AHCYL2: variants seen among roughly 807,000 people sequenced by gnomAD.
AHCYL2 encodes the protein S-adenosylhomocysteine hydrolase-like protein 2.
A neutral mutation model predicts 81.4 loss-of-function variants in AHCYL2; 28 were observed. The observed-to-expected ratio is 0.34, with a 90% CI of 0.25 to 0.47. The LOEUF (loss-of-function observed/expected upper bound fraction) is 0.47. Among genes scored for constraint, AHCYL2 ranks in the 20% least tolerant of loss-of-function variants. The probability of loss-of-function intolerance (pLI) is 1.00; values close to 1 mark genes in which losing one functional copy is unlikely to be tolerated. For synonymous variants in AHCYL2, 272 were observed against 290.2 expected, an observed-to-expected ratio of 0.94 and a Z score of 0.64; for missense variants, 551 against 785.1, an observed-to-expected ratio of 0.70 and a Z score of 3.56.
chr7:129,233,808 T>C (rs900436047), intron 1 of AHCYL2, among the ~76,000 whole-genome samples: 4 of 152,210 alleles, frequency 2.6e-5, no homozygotes, highest in African/African-American at 9.6e-5. Context: ...TCTCATATTT[T>C]CTTCTTTTTT....
At chr7:129,409,447 G>A in intron 10 of AHCYL2, 29 bp from the exon 11 acceptor site, 1 of 1,603,770 alleles carries the variant, frequency 6.2e-7, no homozygotes, top group Non-Finnish European at 8.5e-7. Flanking sequence ...TGCCTGTTTA[G>A]GTTAATGGGT....
chr7:129,301,550 T>C (rs1339703810), intron 1 of AHCYL2, among the ~76,000 whole-genome samples: 2 of 152,152 alleles, frequency 1.3e-5, no homozygotes, highest in African/African-American at 4.8e-5. Context: ...ATGTGAGAGA[T>C]AGAGGTCTAG....
At chr7:129,315,313 C>T (rs988621468) in intron 1 of AHCYL2, among the ~76,000 whole-genome samples, 2 of 152,166 alleles carry the variant, frequency 1.3e-5, no homozygotes, top group Non-Finnish European at 2.9e-5. Flanking sequence ...GAATTCAAAG[C>T]ACTTCAGGGT....
At chr7:129,301,851 T>C (rs1797267736) in intron 1 of AHCYL2, among the ~76,000 whole-genome samples, 1 of 151,588 alleles carries the variant, frequency 6.6e-6, no homozygotes, top group East Asian at 1.9e-4. Context: ...CTGTCACTTT[T>C]GTAGTTCTAT....
At chr7:129,349,192 ATTC>A (rs1793464225) in intron 1 of AHCYL2, among the ~76,000 whole-genome samples, 1 of 152,142 alleles carries the variant, frequency 6.6e-6, no homozygotes, top group Non-Finnish European at 1.5e-5. Flanking sequence ...AAATGTTTTG[ATTC>A]TATCTAGGTT....
At chr7:129,362,239 G>A (rs1182621022) in intron 1 of AHCYL2, among the ~76,000 whole-genome samples, 1 of 152,148 alleles carries the variant, frequency 6.6e-6, no homozygotes, top group Non-Finnish European at 1.5e-5. Flanking sequence ...GATGAAACTG[G>A]CCTTCAAACC....
chr7:129,342,666 T>C (rs1793225132), intron 1 of AHCYL2, among the ~76,000 whole-genome samples: 1 of 152,178 alleles, frequency 6.6e-6, no homozygotes, highest in African/African-American at 2.4e-5. Flanking sequence ...TGTATAAGCA[T>C]ATAAAATTAC....
At chr7:129,379,873 T>A in intron 2 of AHCYL2, 124 bp downstream of exon 2, 1 of 684,970 alleles carries the variant, frequency 1.5e-6, no homozygotes, top group Non-Finnish European at 2.3e-6. Flanking sequence ...ATACTTCGAG[T>A]CAAAATTTAG....
intron 1 of AHCYL2, among the ~76,000 whole-genome samples, chr7:129,236,700 A>G (rs1340109595): frequency 6.6e-6 from 1 of 152,222 alleles, no homozygotes; most frequent in East Asian, 1.9e-4. Flanking sequence ...TCAGCTAACG[A>G]TACACGAAAC....
chr7:129,268,887 T>C (rs1795905477), intron 1 of AHCYL2, among the ~76,000 whole-genome samples: 1 of 152,208 alleles, frequency 6.6e-6, no homozygotes, highest in Non-Finnish European at 1.5e-5. Context: ...AGTGATTTTT[T>C]TTCATATTTA....
intron 12 of AHCYL2, among the ~76,000 whole-genome samples, chr7:129,414,866 A>C (rs1384941659): frequency 6.6e-6 from 1 of 152,146 alleles, no homozygotes; most frequent in African/African-American, 2.4e-5. Flanking sequence ...ATCTCCACTG[A>C]GGGCTGCTCT....
At chr7:129,412,715 T>C (rs1316561840) in intron 11 of AHCYL2, among the ~76,000 whole-genome samples, 1 of 152,250 alleles carries the variant, frequency 6.6e-6, no homozygotes, top group Non-Finnish European at 1.5e-5. Flanking sequence ...CTAGTGAGCG[T>C]AGAGTGGTAC....
chr7:129,244,243 A>G (rs1189860286), intron 1 of AHCYL2, among the ~76,000 whole-genome samples: 2 of 151,162 alleles, frequency 1.3e-5, no homozygotes, highest in South Asian at 2.1e-4. Flanking sequence ...GGCTCAAGCA[A>G]TCCTTCAACC....
At chr7:129,336,401 C>T (rs948838490) in intron 1 of AHCYL2, among the ~76,000 whole-genome samples, 1 of 151,972 alleles carries the variant, frequency 6.6e-6, no homozygotes, top group South Asian at 2.1e-4. Context: ...TTGGTTGAAG[C>T]ACAACCAAGC....
intron 14 of AHCYL2, 26 bp downstream of exon 14, chr7:129,424,968 GTAGTC>G (rs1467017369): frequency 6.2e-7 from 1 of 1,613,926 alleles, no homozygotes. Context: ...TGGGATAGCA[GTAGTC>G]TGGAGAAGGT....
chr7:129,301,404 C>T (rs761383096), intron 1 of AHCYL2, among the ~76,000 whole-genome samples: 2 of 152,050 alleles, frequency 1.3e-5, no homozygotes, highest in African/African-American at 2.4e-5. Context: ...GGTTCCTGTG[C>T]TTGTGGGGTA....
chr7:129,303,666 CTTTA>C (rs1467193094), intron 1 of AHCYL2, among the ~76,000 whole-genome samples: 2 of 152,068 alleles, frequency 1.3e-5, no homozygotes, highest in African/African-American at 2.4e-5. Flanking sequence ...CTCCTCTGAT[CTTTA>C]TTTATTTTCT....
At chr7:129,377,412 A>G (rs1302087577) in intron 1 of AHCYL2, 1 of 363,808 alleles carries the variant, frequency 2.7e-6, no homozygotes, top group Non-Finnish European at 5.6e-6. Flanking sequence ...AGCACTCTGT[A>G]GGCTTTATTT....
At chr7:129,357,795 G>A (rs539158828) in intron 1 of AHCYL2, among the ~76,000 whole-genome samples, 8 of 151,914 alleles carry the variant, frequency 5.3e-5, no homozygotes, top group East Asian at 2.0e-4. Context: ...TTAGCTGGGC[G>A]TGGTGGCGGG....
Sources: gnomAD v4.1 joint callset for allele counts (sites outside exome capture counted in the v4.1 genomes callset) on GRCh38, gnomAD v4.1.1 for gene constraint, MANE v1.5 for transcripts, NCBI Gene and HGNC (gene_info 2026-07-23, HGNC 2026-07-21) for gene names.